The following SPEG variants were observed in gnomAD, a reference collection of about 807,000 sequenced individuals.
The protein encoded by SPEG is striated muscle enriched protein kinase.
Under a neutral mutation model 300.4 loss-of-function variants are expected in SPEG, and 114 were observed. The ratio of observed to expected loss-of-function variants is 0.38; its 90% CI spans 0.33 to 0.44. SPEG has a LOEUF of 0.44. SPEG is among the 20% of genes least tolerant of loss of function. The pLI is 1.00. For missense variants in SPEG, 4,201 were observed against 4,586.2 expected, an observed-to-expected ratio of 0.92 and a Z score of 2.43; for synonymous variants, 1,964 against 2,018.9, an observed-to-expected ratio of 0.97 and a Z score of 0.73.
At position 219,485,051 on chromosome 2, in the gene SPEG, A is replaced by G; in HGVS notation, c.7588A>G (p.Ser2530Gly). ...PSAESLGSEA[S>G]ATSGSSAPGE... ...CGCCGAGTCCCTGGGCTCCGAGGCCAGCGCCACGTCGGGCTCCTCAGGTGA... is the reference window on the plus strand; with the variant it reads ...CGCCGAGTCCCTGGGCTCCGAGGCCGGCGCCACGTCGGGCTCCTCAGGTGA... Residue 2530 changes from serine to glycine, a missense_variant, in exon 30 of 41, where the codon AGC becomes GGC. Physicochemically the swap from Ser to Gly is moderately conservative, Grantham distance 56. Around this residue, in one of 4 missense-constraint regions of SPEG, gnomAD observed 1,578 missense variants for 1,506.0 expected, o/e 1.05. Transcript: ENST00000312358. 2 of 1,532,612 alleles carry G rather than the reference A, an allele frequency of 1.3e-6. No individual in the cohort carries two copies. Among genetic ancestry groups the G allele is most frequent in the Non-Finnish European group, 1.7e-6 (2 of 1,145,988 alleles). The allele number at this position is 1,532,612 out of a possible 1,614,324, so 94.9% of individuals were successfully genotyped here. A position where few individuals can be genotyped will look rare whatever the true frequency, so the allele number is the denominator to read the frequency against.
In SPEG at chr2:219,479,751, C is replaced by T; in HGVS notation, c.5086-32C>T. 1.2e-6 allele frequency: 2 copies of T among 1,607,340 alleles called. No individual in the cohort carries two copies. The highest frequency in any genetic ancestry group is 1.1e-5 in the South Asian group (1 of 90,888). On this transcript the variant is annotated intron_variant, in intron 23 of 40. Coordinates refer to ENST00000312358, the MANE Select transcript of SPEG (RefSeq NM_005876.5). The surrounding 1 kb of genome is among the most constrained non-coding windows in gnomAD (Gnocchi z 5.5). The stretch of plus-strand genomic sequence containing the variant: ...GGTGTTCAGACATACACCACCCTTC[C>T]CCCTCAGACTCTGGGCCCACTATTT...
chr2:219,451,251 T>C lies in SPEG; in HGVS notation c.2229T>C (p.Cys743=), dbSNP rs1363556516. The C allele has an allele frequency of 6.2e-7, 1 of 1,612,754 alleles. No homozygotes were observed. The highest frequency in any genetic ancestry group is 1.1e-5 in the South Asian group (1 of 90,996). The change falls in exon 5 of 41, where the codon TGT becomes TGC. Residue 743 remains cysteine (C), a synonymous_variant. Coordinates refer to ENST00000312358, the MANE Select transcript of SPEG (RefSeq NM_005876.5). This position sits in a 1 kb window ranked among gnomAD's most constrained non-coding sequence, Gnocchi z 6.4. ...VAPGADVLLK[C]IITANPPPQV... is the part of the protein sequence containing the mutation. The stretch of plus-strand genomic sequence containing the variant: ...CAGGGGCAGATGTGCTGCTCAAGTG[T>C]ATCATCACTGCCAACCCCCCGCCCC...
rs751868246 is a variant in SPEG at position 219,464,422 on chromosome 2, C to T, written c.2706-11C>T. The T allele has an allele frequency of 1.9e-6, 3 of 1,605,182 alleles. No homozygotes were observed. The highest frequency in any genetic ancestry group is 2.5e-6 in the Non-Finnish European group (3 of 1,178,200). ...CTGGGCCCTGGGACTGAGTTCTTGC[C>T]CCTCTGACAGGCTGAGAAACCGCCA... On this transcript the variant is annotated splice_polypyrimidine_tract_variant and intron_variant, in intron 8 of 40. Coordinates refer to ENST00000312358, the MANE Select transcript of SPEG (RefSeq NM_005876.5). This position sits in a 1 kb window ranked among gnomAD's most constrained non-coding sequence, Gnocchi z 4.5.
intron 6 of SPEG, chr2:219,460,819 G>A (rs1250350672): frequency 1.8e-5 from 18 of 986,120 alleles, no homozygotes; most frequent in South Asian, 4.7e-5. Context: ...GGCCTTCTCC[G>A]TGCAGGGCCT....
Position 219,435,078 on chromosome 2 carries a change from G to A in SPEG, c.101G>A (p.Gly34Glu). 6.8e-7 allele frequency: 1 copy of A among 1,469,466 alleles called. No homozygotes were observed. The highest frequency in any genetic ancestry group is 8.9e-7 in the Non-Finnish European group (1 of 1,120,256). 91.0% of individuals were successfully genotyped at this position (1,469,466 alleles called of 1,614,324 possible). Residue 34 changes from glycine (G) to glutamate (E), a missense_variant, in exon 1 of 41, where the codon GGG (glycine) becomes GAG (glutamate). Around this residue, in one of 4 missense-constraint regions of SPEG, gnomAD observed 1,258 missense variants for 1,293.9 expected, o/e 0.97. Transcript: ENST00000312358. ...AGGGCCAAGGTGGGGGCCGGCGGCG[G>A]GGCTCCTGTGGCCGTGGCCGGGGCG... ...PKRAKVGAGG[G>E]APVAVAGAPV...
Position 219,462,070 on chromosome 2 carries a change from A to G in SPEG, c.2616+13A>G. ...CCCCACCTTCAAGGTCAGACCCCTG[A>G]GGCTGGGGCCTAGCCTCCTGTGTGC... On this transcript the variant is annotated intron_variant, in intron 7 of 40. Coordinates refer to ENST00000312358, the MANE Select transcript of SPEG (RefSeq NM_005876.5). 1 of 1,588,622 alleles carries G rather than the reference A, an allele frequency of 6.3e-7. No individual in the cohort carries two copies.
In SPEG at chr2:219,451,354, C is replaced by G; in HGVS notation, c.2257+75C>G. On this transcript the variant is annotated intron_variant, in intron 5 of 40. Coordinates refer to ENST00000312358, the MANE Select transcript of SPEG (RefSeq NM_005876.5). The surrounding 1 kb of genome is among the most constrained non-coding windows in gnomAD (Gnocchi z 6.4). ...GTGAGAAGGGAAGGGGAGGTTCCCC[C>G]GGACTCCTCCAAGGGAGGGGTGGGA... is the stretch of plus-strand genomic sequence containing the variant. The G allele has an allele frequency of 3.3e-6, 5 of 1,504,556 alleles. No individual in the cohort carries two copies. The allele number at this position is 1,504,556 out of a possible 1,614,324, so 93.2% of individuals were successfully genotyped here.
chr2:219,465,854 T>C (rs1348146827), intron 9 of SPEG: 5 of 606,328 alleles, frequency 8.2e-6, no homozygotes, highest in South Asian at 1.9e-5. Flanking sequence ...CATGCATGTG[T>C]GTGCATGTGT....
In SPEG at chr2:219,451,815, G is replaced by A. The variant is rs536565498; in HGVS notation, c.2440+8G>A. 1.2e-4 allele frequency: 182 copies of A among 1,526,902 alleles called. 3 individuals are homozygous for A. The South Asian group carries it at 2.2e-3, about 18-fold the overall frequency. The allele number at this position is 1,526,902 out of a possible 1,614,324, so 94.6% of individuals were successfully genotyped here. The stretch of plus-strand genomic sequence containing the variant: ...CACTGACCGTGAGACCCGGTAGGGA[G>A]CCCATCAACCCTGGGGCTGGGTGGG... On this transcript the variant is annotated splice_region_variant and intron_variant, in intron 6 of 40. Coordinates refer to ENST00000312358, the MANE Select transcript of SPEG (RefSeq NM_005876.5). This position sits in a 1 kb window ranked among gnomAD's most constrained non-coding sequence, Gnocchi z 6.4.
chr2:219,477,847 A>T lies in SPEG; in HGVS notation c.4827-58A>T. The T allele has an allele frequency of 1.3e-6, 2 of 1,597,716 alleles. No individual in the cohort carries two copies. Among genetic ancestry groups the T allele is most frequent in the South Asian group, 1.1e-5 (1 of 89,986 alleles). ...GAGGCTGCTGGGTCTGAGGGTTGGG[A>T]GGGGTGGAGAGGGCCACAGTGATGG... is the stretch of plus-strand genomic sequence containing the variant. On this transcript the variant is annotated intron_variant, in intron 21 of 40. Coordinates refer to ENST00000312358, the MANE Select transcript of SPEG (RefSeq NM_005876.5). The surrounding 1 kb of genome is among the most constrained non-coding windows in gnomAD (Gnocchi z 6.4).
intron 13 of SPEG, among the ~76,000 whole-genome samples, chr2:219,471,130 G>A (rs1255598238): frequency 6.6e-6 from 1 of 152,120 alleles, no homozygotes; most frequent in Admixed American, 6.5e-5. Flanking sequence ...GGGGTCCTGG[G>A]AGGAGTCAGA....
Position 219,468,933 on chromosome 2 carries a change from G to C in SPEG, c.3376G>C (p.Val1126Leu). The C allele has an allele frequency of 1.2e-6, 2 of 1,613,974 alleles. No homozygotes were observed. The highest frequency in any genetic ancestry group is 1.7e-6 in the Non-Finnish European group (2 of 1,179,986). The change falls in exon 12 of 41, where the codon GTG becomes CTG. Residue 1126 changes from valine (V) to leucine (L), a missense_variant. Physicochemically the swap from Val to Leu is conservative, Grantham distance 32. Around this residue, in one of 4 missense-constraint regions of SPEG, gnomAD observed 1,047 missense variants for 1,356.8 expected, o/e 0.77. Transcript: ENST00000312358. ...TCTGCACTCACTGCACATTGCCCAT[G>C]TGGGCAGCGAGGACGAGGGGCTCTA... ...GGLHSLHIAH[V>L]GSEDEGLYAV...
chr2:219,488,939 G>C (rs750668701), intron 34 of SPEG, 39 bp downstream of exon 34: 2 of 1,588,494 alleles, frequency 1.3e-6, no homozygotes, highest in South Asian at 1.1e-5. Context: ...GGAGCGGCAG[G>C]GGGAGGGTAG....
chr2:219,487,526 T>C (rs1693552399), intron 31 of SPEG, among the ~76,000 whole-genome samples: 1 of 152,244 alleles, frequency 6.6e-6, no homozygotes, highest in South Asian at 2.1e-4. Flanking sequence ...GTAAATGACT[T>C]GCCCAAGGTC....
In SPEG at chr2:219,466,501, G is replaced by A. The variant is rs1210466522; in HGVS notation, c.2882-673G>A. 2.4e-5 allele frequency: 27 copies of A among 1,116,064 alleles called. No homozygotes were observed. The South Asian group carries it at 6.2e-4, about 26-fold the overall frequency. 69.1% of individuals were successfully genotyped at this position (1,116,064 alleles called of 1,614,324 possible). A position where few individuals can be genotyped will look rare whatever the true frequency, so the allele number is the denominator to read the frequency against. Reference sequence around the variant, plus strand: ...GTGAGACAGAGTGGGAGAGATTACGGCATGGCATGGAGGGGCCCAAGGAGC... The same window carrying A: ...GTGAGACAGAGTGGGAGAGATTACGACATGGCATGGAGGGGCCCAAGGAGC... On this transcript the variant is annotated intron_variant, in intron 9 of 40. Transcript: ENST00000312358.
chr2:219,450,223 G>A (rs1224204066), intron 4 of SPEG, among the ~76,000 whole-genome samples: 1 of 152,158 alleles, frequency 6.6e-6, no homozygotes, highest in Admixed American at 6.5e-5. Flanking sequence ...ACAACTATGT[G>A]CCAGCATTGT....
intron 13 of SPEG, among the ~76,000 whole-genome samples, chr2:219,471,146 AG>A (rs1007593251): frequency 6.6e-5 from 10 of 150,682 alleles, no homozygotes; most frequent in African/African-American, 2.4e-4. Context: ...TCAGAGGATG[AG>A]GGGTAGAGAG....
At position 219,448,544 on chromosome 2, in the gene SPEG, C is replaced by G; in HGVS notation, c.1386C>G (p.Ser462Arg). ...ASQEELRAPG[S>R]VAERRRLFQQ... ...AGGAAGAACTGCGGGCGCCAGGCAG[C>G]GTGGCCGAGCGGCGCCGCCTGTTCC... is the stretch of plus-strand genomic sequence containing the variant. Residue 462 changes from serine (S) to arginine (R), a missense_variant, in exon 4 of 41, where the codon AGC becomes AGG. Ser to Arg is a moderately radical substitution (Grantham distance 110, BLOSUM62 -1). This residue lies in a region of SPEG where 1,258 missense variants were observed against 1,293.9 expected (regional missense o/e 0.97). Transcript: ENST00000312358. 1 of 1,443,456 alleles carries G rather than the reference C, an allele frequency of 6.9e-7. No homozygotes were observed. Among genetic ancestry groups the G allele is most frequent in the Non-Finnish European group, 9.0e-7 (1 of 1,107,842 alleles). 89.4% of individuals were successfully genotyped at this position (1,443,456 alleles called of 1,614,324 possible).
Position 219,462,534 on chromosome 2 carries a change from T to TC in SPEG, c.2705+154dup, listed in dbSNP as rs1366839085. Reference sequence around the variant, plus strand: ...CCTCATCTCAGGGACAGCAGTGTACTCCCCCCGGCACCCTGTCCCTTGCCC... The same window carrying TC: ...CCTCATCTCAGGGACAGCAGTGTACTCCCCCCCGGCACCCTGTCCCTTGCCC... On this transcript the variant is annotated intron_variant, in intron 8 of 40. Coordinates refer to ENST00000312358, the MANE Select transcript of SPEG (RefSeq NM_005876.5). 7.9e-6 allele frequency: 5 copies of TC among 634,828 alleles called. No homozygotes were observed. The Admixed American group carries it at 1.1e-4, about 14-fold the overall frequency. 39.3% of individuals were successfully genotyped at this position (634,828 alleles called of 1,614,324 possible).
Sources: gnomAD v4.1 joint callset for allele counts (sites outside exome capture counted in the v4.1 genomes callset) on GRCh38, gnomAD v4.1.1 for gene constraint, gnomAD v4.1.1 regional missense constraint, Gnocchi (gnomAD v3.1) non-coding constraint, MANE v1.5 for transcripts, NCBI Gene and HGNC (gene_info 2026-07-23, HGNC 2026-07-21) for gene names.